The following DYM variants were observed in gnomAD, a reference collection of about 807,000 sequenced individuals.
The protein encoded by DYM is dyggve-Melchior-Clausen syndrome protein.
In DYM, 78 loss-of-function variants were observed where a neutral mutation model predicts 93.1. The ratio of observed to expected loss-of-function variants is 0.84; its 90% CI spans 0.70 to 1.01. DYM has a LOEUF of 1.01. Among genes scored for constraint, DYM ranks in the 50% least tolerant of loss-of-function variants. The pLI, the probability that DYM is intolerant of heterozygous loss-of-function variation, is 0.00. For synonymous variants in DYM, 321 were observed against 319.7 expected, an observed-to-expected ratio of 1.00 and a Z score of -0.04; for missense variants, 789 against 845.0, an observed-to-expected ratio of 0.93 and a Z score of 0.82.
intron 3 of DYM, among the ~76,000 whole-genome samples, chr18:49,385,240 T>C (rs2068480587): frequency 6.6e-6 from 1 of 152,218 alleles, no homozygotes; most frequent in South Asian, 2.1e-4. Context: ...GCTGCTTTTT[T>C]ACCCTTTATA....
chr18:49,295,105 T>C (rs1228860188), intron 8 of DYM, among the ~76,000 whole-genome samples: 1 of 152,170 alleles, frequency 6.6e-6, no homozygotes, highest in East Asian at 1.9e-4. Flanking sequence ...AACGACTGCA[T>C]ATAAACTGAT....
chr18:49,354,716 A>G lies in DYM; in HGVS notation c.494+8445T>C, dbSNP rs184560672. Among the ~76,000 whole-genome samples, 316 of 152,276 alleles carry G rather than the reference A, an allele frequency of 2.1e-3. 2 individuals are homozygous for G. The highest frequency in any genetic ancestry group is 3.5e-3 in the Admixed American group (54 of 15,292). On this transcript the variant is annotated intron_variant, in intron 6 of 17. Transcript: ENST00000675505. ...TATGTCATTAGGGAACTGCAAATTA[A>G]AACAATGAGATACCACTACACATCT...
intron 15 of DYM, among the ~76,000 whole-genome samples, chr18:49,158,559 C>T (rs1006550969): frequency 5.3e-5 from 8 of 152,162 alleles, no homozygotes; most frequent in Non-Finnish European, 7.4e-5. Flanking sequence ...AAATTACCTA[C>T]CCCAGCCTTT....
intron 17 of DYM, among the ~76,000 whole-genome samples, chr18:49,049,028 T>C (rs1599346685): frequency 6.6e-6 from 1 of 152,208 alleles, no homozygotes; most frequent in South Asian, 2.1e-4. Flanking sequence ...TAGCATATGA[T>C]AGTACACAAA....
At chr18:49,178,404 C>A (rs2089602972) in intron 14 of DYM, among the ~76,000 whole-genome samples, 1 of 152,124 alleles carries the variant, frequency 6.6e-6, no homozygotes, top group African/African-American at 2.4e-5. Flanking sequence ...GAAAAAGATT[C>A]AAATGTGTGT....
intron 1 of DYM, among the ~76,000 whole-genome samples, chr18:49,454,440 C>T (rs77874806): frequency 0.08 from 12,172 of 152,116 alleles, 763 homozygotes; most frequent in East Asian, 0.31. Flanking sequence ...CTGCCAGCCA[C>T]ATGTACTGTA....
chr18:49,111,183 A>G (rs771062656), intron 16 of DYM, among the ~76,000 whole-genome samples: 8 of 152,074 alleles, frequency 5.3e-5, no homozygotes, highest in Non-Finnish European at 1.2e-4. Flanking sequence ...TTTCTGTAAC[A>G]TATTCTTCTT....
chr18:49,281,039 T>C (rs2094959876), intron 10 of DYM, among the ~76,000 whole-genome samples: 1 of 152,170 alleles, frequency 6.6e-6, no homozygotes, highest in Admixed American at 6.5e-5. Context: ...GAGAAAATTT[T>C]TGCAATCTAC....
At chr18:49,420,681 T>C (rs935788747) in intron 2 of DYM, among the ~76,000 whole-genome samples, 9 of 152,064 alleles carry the variant, frequency 5.9e-5, no homozygotes, top group African/African-American at 1.7e-4. Context: ...TGCAGGACAG[T>C]GGGTGCAGCC....
intron 14 of DYM, among the ~76,000 whole-genome samples, chr18:49,189,345 G>C (rs993832814): frequency 3.3e-5 from 5 of 152,162 alleles, no homozygotes; most frequent in Non-Finnish European, 5.9e-5. Flanking sequence ...AAGAATATGA[G>C]TTCAACTGCT....
intron 2 of DYM, among the ~76,000 whole-genome samples, chr18:49,419,527 C>T (rs1299817023): frequency 6.6e-6 from 1 of 152,030 alleles, no homozygotes; most frequent in East Asian, 1.9e-4. Context: ...CATCTTTTTC[C>T]CCACTGAAAT....
intron 17 of DYM, among the ~76,000 whole-genome samples, chr18:49,087,592 C>G (rs550933574): frequency 1.3e-5 from 2 of 152,042 alleles, no homozygotes; most frequent in African/African-American, 4.8e-5. Context: ...ACAAGAAAGG[C>G]CTTTATAGCA....
At chr18:49,206,011 G>GTTTGTTTGTTTTTTTT (rs2092475166) in intron 14 of DYM, 4 of 135,082 alleles carry the variant, frequency 3.0e-5, no homozygotes, top group African/African-American at 1.1e-4. Context: ...TTGTTTTTTT[G>GTTTGTTTGTTTTTTTT]TTTTTTGCGG....
chr18:49,097,591 T>C, intron 16 of DYM, 76 bp from the exon 17 acceptor site: 2 of 1,203,406 alleles, frequency 1.7e-6, no homozygotes, highest in South Asian at 2.6e-5. Context: ...TCTCACATGG[T>C]AGTCAAACTA....
intron 6 of DYM, among the ~76,000 whole-genome samples, chr18:49,353,486 T>A (rs1453002400): frequency 6.6e-6 from 1 of 151,916 alleles, no homozygotes; most frequent in Non-Finnish European, 1.5e-5. Flanking sequence ...GTATCTTTAA[T>A]TTACAAAGGG....
rs1599132493 is a variant in DYM, at chr18:49,286,602, C to T, written c.778G>A (p.Val260Ile). ...CTGCCCACACCACCTAGTGTGAAGA[C>T]AGTCCAGAGTCCTGCTGGGGAGGAA... ...ASGVATGLWT[V>I]FTLGGVGSKA... The change falls in exon 9 of 18, where the codon GTC (valine) becomes ATC (isoleucine). Residue 260 changes from valine to isoleucine, a missense_variant. Transcript: ENST00000675505. The T allele has an allele frequency of 1.2e-6, 2 of 1,613,842 alleles. No individual in the cohort carries two copies. The highest frequency in any genetic ancestry group is 2.2e-5 in the East Asian group (1 of 44,844).
At chr18:49,319,594 C>G (rs1328182760) in intron 8 of DYM, among the ~76,000 whole-genome samples, 1 of 152,140 alleles carries the variant, frequency 6.6e-6, no homozygotes, top group African/African-American at 2.4e-5. Context: ...TTGTTCTGGA[C>G]ACTTATCACA....
chr18:49,365,616 C>T (rs2066451185), intron 5 of DYM, among the ~76,000 whole-genome samples: 1 of 152,158 alleles, frequency 6.6e-6, no homozygotes, highest in African/African-American at 2.4e-5. Flanking sequence ...ACTCATTCTA[C>T]AGGATGCAAT....
chr18:49,346,855 TC>T (rs2064646711), intron 6 of DYM, among the ~76,000 whole-genome samples: 2 of 152,156 alleles, frequency 1.3e-5, no homozygotes, highest in African/African-American at 4.8e-5. Flanking sequence ...TGGAGTTATG[TC>T]CCAATAAATC....
Sources: allele counts gnomAD v4.1 joint callset (sites outside exome capture counted in the v4.1 genomes callset), GRCh38; gene constraint gnomAD v4.1.1; transcripts MANE v1.5; gene names NCBI Gene and HGNC (gene_info 2026-07-23, HGNC 2026-07-21).